Variants in FRMD6 observed in about 807,000 individuals in gnomAD.
FRMD6 encodes FERM domain-containing protein 6.
Under a neutral mutation model 73.2 loss-of-function variants are expected in FRMD6, and 37 were observed. The observed-to-expected ratio is 0.51, with a 90% CI of 0.39 to 0.66. The LOEUF (loss-of-function observed/expected upper bound fraction) is 0.66, where lower values mean the gene tolerates loss of function less well. FRMD6 is among the 30% of genes least tolerant of loss of function. The pLI is 0.00. For missense variants in FRMD6, 714 were observed against 780.5 expected, an observed-to-expected ratio of 0.91 and a Z score of 1.02; for synonymous variants, 273 against 282.2, an observed-to-expected ratio of 0.97 and a Z score of 0.33.
At chr14:51,521,483 A>G (rs772617376) in intron 1 of FRMD6, among the ~76,000 whole-genome samples, 3 of 152,162 alleles carry the variant, frequency 2.0e-5, no homozygotes, top group South Asian at 2.1e-4. Flanking sequence ...ATGCAACACA[A>G]TGTACTTAAA....
chr14:51,573,956 C>G (rs1317431348), intron 2 of FRMD6, among the ~76,000 whole-genome samples: 1 of 152,182 alleles, frequency 6.6e-6, no homozygotes, highest in Admixed American at 6.5e-5. Context: ...TTTCCAGAAT[C>G]CCATAATAAT....
chr14:51,404,584 T>A, the FRMD6 span, among the ~76,000 whole-genome samples: 3 of 152,298 alleles, frequency 2.0e-5, no homozygotes, highest in Middle Eastern at 6.8e-3. Context: ...TAAGCCATAA[T>A]GTGGAAATCC....
chr14:51,566,365 C>T (rs1887776684), intron 1 of FRMD6, among the ~76,000 whole-genome samples: 1 of 152,154 alleles, frequency 6.6e-6, no homozygotes, highest in South Asian at 2.1e-4. Flanking sequence ...AAGACCCATA[C>T]AGATGTGTCT....
intron 2 of FRMD6, chr14:51,637,238 C>A (rs1891606278): frequency 6.6e-6 from 1 of 152,076 alleles, no homozygotes; most frequent in Non-Finnish European, 1.5e-5. Flanking sequence ...GAGAAAAAAA[C>A]TGCATTTCAC....
chr14:51,527,346 C>T (rs976599560), intron 1 of FRMD6, among the ~76,000 whole-genome samples: 4 of 152,216 alleles, frequency 2.6e-5, no homozygotes, highest in Non-Finnish European at 5.9e-5. Flanking sequence ...CCAGACTGGT[C>T]CTTTACATGA....
Position 51,530,466 on chromosome 14 carries a change from A to G in FRMD6, c.-209-39882A>G, listed in dbSNP as rs564740118. Among the ~76,000 whole-genome samples, 104 of 152,244 alleles carry G rather than the reference A, an allele frequency of 6.8e-4. 1 individual carries two copies. Among genetic ancestry groups the G allele is most frequent in the Admixed American group, 6.0e-3 (92 of 15,288 alleles). On this transcript the variant is annotated intron_variant, in intron 1 of 14. Transcript: ENST00000356218. Reference sequence around the variant, plus strand: ...TGCATCTACCTCAATATATTTATTTATTTGTGAGTTACTATTATTATTATT... The same window carrying G: ...TGCATCTACCTCAATATATTTATTTGTTTGTGAGTTACTATTATTATTATT...
At chr14:51,588,181 T>A (rs1362797201) in intron 2 of FRMD6, among the ~76,000 whole-genome samples, 1 of 152,156 alleles carries the variant, frequency 6.6e-6, no homozygotes, top group Non-Finnish European at 1.5e-5. Flanking sequence ...AAAAAAGCAT[T>A]TCCCCCCCTC....
chr14:51,648,768 T>C (rs765431606), upstream of FRMD6, among the ~76,000 whole-genome samples: 7 of 152,214 alleles, frequency 4.6e-5, no homozygotes, highest in Non-Finnish European at 8.8e-5. Context: ...TCTCTGAATC[T>C]AACCCTTTGC....
chr14:51,713,106 G>A (rs965723791), intron 9 of FRMD6, among the ~76,000 whole-genome samples: 4 of 152,096 alleles, frequency 2.6e-5, no homozygotes, highest in Admixed American at 2.0e-4. Context: ...AGCTATATCC[G>A]TTTTTTGGTA....
At chr14:51,462,021 A>C in the FRMD6 span, among the ~76,000 whole-genome samples, 1 of 152,146 alleles carries the variant, frequency 6.6e-6, no homozygotes, top group Non-Finnish European at 1.5e-5. Flanking sequence ...GGAAGGGAGA[A>C]AGGGAGGGAG....
At chr14:51,674,166 T>A (rs1894217696) in intron 1 of FRMD6, among the ~76,000 whole-genome samples, 1 of 152,276 alleles carries the variant, frequency 6.6e-6, no homozygotes, top group South Asian at 2.1e-4. Flanking sequence ...ACTTTGCAAA[T>A]CTTATATCTG....
At chr14:51,668,414 C>T (rs1174025113) in intron 1 of FRMD6, among the ~76,000 whole-genome samples, 1 of 152,120 alleles carries the variant, frequency 6.6e-6, no homozygotes, top group East Asian at 1.9e-4. Context: ...TCAAGTGATT[C>T]TCCTGCCTCA....
At chr14:51,518,552 A>G (rs116178384) in intron 1 of FRMD6, among the ~76,000 whole-genome samples, 2,050 of 152,326 alleles carry the variant, frequency 0.013, 37 homozygotes, top group African/African-American at 0.047. Flanking sequence ...CGCATATGAC[A>G]CTATTTATAA....
intron 2 of FRMD6, among the ~76,000 whole-genome samples, chr14:51,617,520 A>G (rs1346355793): frequency 1.3e-5 from 2 of 152,184 alleles, no homozygotes; most frequent in Non-Finnish European, 2.9e-5. Flanking sequence ...ATTATGTAAC[A>G]TATATTTAAT....
intron 1 of FRMD6, among the ~76,000 whole-genome samples, chr14:51,670,844 G>A (rs182224699): frequency 7.2e-5 from 11 of 151,802 alleles, no homozygotes; most frequent in African/African-American, 2.2e-4. Context: ...ATGGGGTTTC[G>A]TCATGTTGGC....
the FRMD6 span, among the ~76,000 whole-genome samples, chr14:51,471,877 TA>T: frequency 4.6e-5 from 7 of 152,290 alleles, no homozygotes; most frequent in East Asian, 1.4e-3. Flanking sequence ...GATATAAGAA[TA>T]TTTTCCCATT....
intron 2 of FRMD6, chr14:51,599,700 C>T (rs1200303529): frequency 6.6e-6 from 1 of 152,028 alleles, no homozygotes; most frequent in African/African-American, 2.4e-5. Flanking sequence ...ACAGACTTCT[C>T]ATTGCCTTTC....
At chr14:51,452,945 T>C in the FRMD6 span, among the ~76,000 whole-genome samples, 1 of 152,122 alleles carries the variant, frequency 6.6e-6, no homozygotes, top group Non-Finnish European at 1.5e-5. Context: ...AGTGGTTTGA[T>C]TGTGGGAGCC....
At chr14:51,575,067 G>T (rs184633146) in intron 2 of FRMD6, among the ~76,000 whole-genome samples, 1 of 152,154 alleles carries the variant, frequency 6.6e-6, no homozygotes, top group Non-Finnish European at 1.5e-5. Flanking sequence ...TTTTATCACA[G>T]CATGGAGCCT....
Sources: gnomAD v4.1 joint callset for allele counts (sites outside exome capture counted in the v4.1 genomes callset) on GRCh38, gnomAD v4.1.1 for gene constraint, MANE v1.5 for transcripts, NCBI Gene and HGNC (gene_info 2026-07-23, HGNC 2026-07-21) for gene names.